The following NEB variants were observed in gnomAD, a reference collection of about 807,000 sequenced individuals.
NEB encodes the protein nebulin.
NEB carries 512 observed loss-of-function variants against 952.2 expected under a neutral mutation model. The observed-to-expected ratio is 0.54, with a 90% CI of 0.50 to 0.58. The LOEUF (loss-of-function observed/expected upper bound fraction) is 0.58, where lower values mean the gene tolerates loss of function less well. NEB is among the 20% of genes least tolerant of loss of function. The pLI, the probability that NEB is intolerant of heterozygous loss-of-function variation, is 0.00. For synonymous variants in NEB, 2,900 were observed against 3,149.8 expected, an observed-to-expected ratio of 0.92 and a Z score of 2.66; for missense variants, 8,428 against 9,231.1, an observed-to-expected ratio of 0.91 and a Z score of 3.56.
rs2094644204 is a variant in NEB, at chr2:151,546,101, C to T, written c.20467-103G>A. On this transcript the variant is annotated intron_variant, in intron 134 of 181. Transcript: ENST00000397345. ...TCTGGCATGTGTAAGCTGAGCAGGG[C>T]TTTCATGTGTCCTGGATGTCTTCCC... 10 of 835,710 alleles carry T rather than the reference C, an allele frequency of 1.2e-5. No homozygotes were observed. In the Admixed American group the frequency reaches 1.9e-4, roughly 16 times the overall value. 51.8% of individuals were successfully genotyped at this position (835,710 alleles called of 1,614,324 possible).
chr2:151,673,612 G>A (rs2099326855), intron 36 of NEB, among the ~76,000 whole-genome samples: 3 of 151,746 alleles, frequency 2.0e-5, no homozygotes, highest in Non-Finnish European at 1.5e-5. Flanking sequence ...TTTCCTATGT[G>A]GTCTGTATAC....
chr2:151,578,592 C>T (rs1006076211), intron 105 of NEB, among the ~76,000 whole-genome samples: 7 of 150,984 alleles, frequency 4.6e-5, no homozygotes, highest in African/African-American at 1.7e-4. Context: ...ACCCGGGAGG[C>T]AGAGGTTGCA....
intron 117 of NEB, among the ~76,000 whole-genome samples, chr2:151,564,527 G>A (rs1183981545): frequency 1.3e-5 from 2 of 152,226 alleles, no homozygotes; most frequent in Non-Finnish European, 2.9e-5. Context: ...CACACAGGGA[G>A]AGAACTGGCA....
chr2:151,621,793 T>A (rs1034612778), intron 71 of NEB, among the ~76,000 whole-genome samples: 2 of 152,234 alleles, frequency 1.3e-5, no homozygotes, highest in Admixed American at 6.5e-5. Context: ...TGATTCTGTA[T>A]CCTCTTAACG....
chr2:151,664,759 A>G lies in NEB; in HGVS notation c.5343T>C (p.Asp1781=). The G allele has an allele frequency of 6.2e-7, 1 of 1,604,054 alleles. No homozygotes were observed. Among genetic ancestry groups the G allele is most frequent in the Non-Finnish European group, 8.5e-7 (1 of 1,172,152 alleles). The change falls in exon 43 of 182, where the codon GAT becomes GAC. Residue 1781 remains aspartate, a splice_region_variant and synonymous_variant. Transcript: ENST00000397345. ...LSRVNQITMS[D]KLYKAGWEEE... ...CTTTTGCTGTTGTTAACCTACTTAC[A>G]TCACTCATGGTGATTTGGTTTACTC... is the stretch of plus-strand genomic sequence containing the variant.
intron 167 of NEB, 41 bp from the exon 168 acceptor site, chr2:151,501,524 T>A: frequency 8.3e-7 from 1 of 1,205,812 alleles, no homozygotes; most frequent in East Asian, 2.8e-5. Flanking sequence ...CCTGGACCCA[T>A]CATTTTTTAG....
At chr2:151,521,512 A>T (rs761921595) in intron 153 of NEB, among the ~76,000 whole-genome samples, 12 of 152,236 alleles carry the variant, frequency 7.9e-5, no homozygotes, top group Non-Finnish European at 1.8e-4. Flanking sequence ...AAACTAGGAG[A>T]TGTTCCCAAG....
intron 133 of NEB, 30 bp downstream of exon 133, chr2:151,547,399 A>G (rs554194312): frequency 1.2e-5 from 18 of 1,515,952 alleles, no homozygotes; most frequent in Middle Eastern, 1.7e-4. Context: ...TGGTAAGACT[A>G]CTCCAGAAAG....
chr2:151,500,081 A>G (rs1344008502), intron 168 of NEB, among the ~76,000 whole-genome samples: 3 of 152,236 alleles, frequency 2.0e-5, no homozygotes, highest in Non-Finnish European at 2.9e-5. Context: ...GCCTTTCAAT[A>G]AAAGGAATAA....
rs776956299 is a variant in NEB at position 151,631,351 on chromosome 2, G to A, written c.9415-5C>T. 3.1e-6 allele frequency: 5 copies of A among 1,606,708 alleles called. No homozygotes were observed. In the Admixed American group the frequency reaches 8.4e-5, roughly 27 times the overall value. The stretch of plus-strand genomic sequence containing the variant: ...GAGATCTGACTTGTAAATATTCTGA[G>A]CAGAGGAAAAAAGTCAAAAACTCTT... On this transcript the variant is annotated splice_region_variant and splice_polypyrimidine_tract_variant and intron_variant, in intron 65 of 181. Coordinates refer to ENST00000397345, the MANE Select transcript of NEB (RefSeq NM_001164508.2).
At chr2:151,488,866 C>G (rs1432716463) in intron 181 of NEB, among the ~76,000 whole-genome samples, 1 of 151,954 alleles carries the variant, frequency 6.6e-6, no homozygotes, top group Non-Finnish European at 1.5e-5. Flanking sequence ...TGGACTTCAT[C>G]TATTTTTGTA....
intron 160 of NEB, 39 bp from the exon 161 acceptor site, chr2:151,512,876 A>G (rs1372540501): frequency 7.2e-7 from 1 of 1,393,066 alleles, no homozygotes; most frequent in Non-Finnish European, 1.0e-6. Flanking sequence ...AATGTTTGCA[A>G]TGTGCACAAC....
chr2:151,493,629 G>T, intron 175 of NEB, 146 bp downstream of exon 175: 3 of 751,174 alleles, frequency 4.0e-6, no homozygotes, highest in Non-Finnish European at 6.3e-6. Flanking sequence ...GACCTCGTGG[G>T]GTTGGTTTGT....
At chr2:151,493,525 C>G in intron 175 of NEB, 80 bp from the exon 176 acceptor site, 1 of 916,262 alleles carries the variant, frequency 1.1e-6, no homozygotes, top group South Asian at 1.8e-5. Flanking sequence ...GGTGTTATGG[C>G]TCATGTTATG....
intron 32 of NEB, 57 bp downstream of exon 32, chr2:151,679,664 C>CCCA: frequency 9.2e-6 from 6 of 652,992 alleles, no homozygotes; most frequent in East Asian, 2.9e-5. Flanking sequence ...TCGTCAGACC[C>CCCA]CAAGCCCACC....
At position 151,709,650 on chromosome 2, in the gene NEB, T is replaced by C. The variant is rs1577251081; in HGVS notation, c.1035+6A>G. 6.3e-7 allele frequency: 1 copy of C among 1,576,382 alleles called. No homozygotes were observed. Among genetic ancestry groups the C allele is most frequent in the Non-Finnish European group, 8.6e-7 (1 of 1,157,124 alleles). ...CATCAAGATAAATGGGATGATTTCC[T>C]CATACCTTGCTAGCTGCCACACCAG... On this transcript the variant is annotated splice_donor_region_variant and intron_variant, in intron 12 of 181. Transcript: ENST00000397345.
At chr2:151,629,471 T>A (rs2098610365) in intron 68 of NEB, 68 bp downstream of exon 68, 4 of 1,306,992 alleles carry the variant, frequency 3.1e-6, no homozygotes, top group Non-Finnish European at 4.4e-6. Flanking sequence ...CCCCAAATGT[T>A]ATAATAGTAA....
At chr2:151,680,120 T>C in intron 30 of NEB, 98 bp from the exon 31 acceptor site, 1 of 921,712 alleles carries the variant, frequency 1.1e-6, no homozygotes, top group South Asian at 1.5e-5. Context: ...TTCACAGAGG[T>C]GGTTTTAGGA....
In NEB at chr2:151,617,423, C is replaced by T. The variant is rs777298206; in HGVS notation, c.11122G>A (p.Val3708Ile). 1 of 1,550,490 alleles carries T rather than the reference C, an allele frequency of 6.4e-7. No homozygotes were observed. ...AWDNDKKTIH[V>I]MPDTPEIMLA... ...ATGATTTCTGGTGTATCAGGCATGA[C>T]ATGAATAGTTTTCTTGTCATTGTCC... Residue 3708 changes from valine (V) to isoleucine (I), a missense_variant, in exon 75 of 182, where the codon GTC becomes ATC. Val to Ile is a conservative substitution (Grantham distance 29, BLOSUM62 3). This residue lies in a region of NEB where 1,772 missense variants were observed against 1,960.3 expected (regional missense o/e 0.90). Transcript: ENST00000397345.
Sources: allele counts gnomAD v4.1 joint callset (sites outside exome capture counted in the v4.1 genomes callset), GRCh38; gene constraint gnomAD v4.1.1; regional missense constraint gnomAD v4.1.1; transcripts MANE v1.5; gene names NCBI Gene and HGNC (gene_info 2026-07-23, HGNC 2026-07-21).